The following TENM2 variants were observed in gnomAD, a reference collection of about 807,000 sequenced individuals.
TENM2 encodes teneurin-2.
TENM2 carries 52 observed loss-of-function variants against 245.2 expected under a neutral mutation model. That is an observed-to-expected ratio of 0.21 (90% CI 0.17 to 0.27). The LOEUF is 0.27. TENM2 is among the 10% of genes least tolerant of loss of function. The pLI is 1.00. For synonymous variants in TENM2, 1,363 were observed against 1,438.9 expected (o/e 0.95, Z 1.19); for missense variants, 3,046 against 3,666.8 (o/e 0.83, Z 4.37).
At chr5:167,793,471 T>G (rs750234526) in intron 2 of TENM2, among the ~76,000 whole-genome samples, 1 of 152,176 alleles carries the variant, frequency 6.6e-6, no homozygotes, top group Non-Finnish European at 1.5e-5. Flanking sequence ...TTTCATCTTT[T>G]TCTCCCTTTC....
chr5:167,066,613 T>G, the TENM2 span, among the ~76,000 whole-genome samples: 1 of 145,988 alleles, frequency 6.8e-6, no homozygotes, highest in African/African-American at 2.5e-5. Context: ...TTCCTACCTA[T>G]GAGTGAGAAT....
chr5:167,943,003 C>A (rs574107585), intron 3 of TENM2, among the ~76,000 whole-genome samples: 1 of 152,138 alleles, frequency 6.6e-6, no homozygotes, highest in Non-Finnish European at 1.5e-5. Flanking sequence ...ATATCTCCAG[C>A]GATATGTCTT....
intron 7 of TENM2, among the ~76,000 whole-genome samples, chr5:168,062,599 A>G (rs1476967428): frequency 6.6e-6 from 1 of 152,202 alleles, no homozygotes; most frequent in East Asian, 1.9e-4. Flanking sequence ...TCATAGCCTT[A>G]TTTATGATAG....
chr5:167,417,964 G>A (rs1005108548), intron 2 of TENM2, among the ~76,000 whole-genome samples: 1 of 152,134 alleles, frequency 6.6e-6, no homozygotes, highest in African/African-American at 2.4e-5. Context: ...GCATTAATTT[G>A]CATTGAATAA....
intron 13 of TENM2, among the ~76,000 whole-genome samples, chr5:168,179,118 G>C (rs1759623146): frequency 8.0e-6 from 1 of 125,702 alleles, no homozygotes; most frequent in Non-Finnish European, 1.6e-5. Flanking sequence ...CTGAGCAACA[G>C]AGTGAGACTC....
intron 7 of TENM2, among the ~76,000 whole-genome samples, chr5:168,087,665 G>A (rs1399582377): frequency 6.6e-6 from 1 of 151,748 alleles, no homozygotes; most frequent in Non-Finnish European, 1.5e-5. Context: ...CCTGACCTGG[G>A]AAGGAAGAAG....
At chr5:167,436,146 T>C (rs1444702602) in intron 2 of TENM2, among the ~76,000 whole-genome samples, 1 of 151,618 alleles carries the variant, frequency 6.6e-6, no homozygotes, top group Non-Finnish European at 1.5e-5. Flanking sequence ...ACCCGGCTAA[T>C]TTTTGTATTT....
rs1772816275 is a variant in TENM2 at position 167,549,852 on chromosome 5, T to C, written c.502+174379T>C. 2.0e-5 allele frequency among the ~76,000 whole-genome samples: 3 copies of C among 152,304 alleles called. No individual in the cohort carries two copies. In the South Asian group the frequency reaches 6.2e-4, roughly 32 times the overall value. ...TTCGTTCCATTATACTTCTATGCAT[T>C]CATGGATTCCTCCTTTAAAACTATT... On this transcript the variant is annotated intron_variant, in intron 2 of 28. Coordinates refer to ENST00000518659, the Ensembl canonical transcript of TENM2.
the TENM2 span, among the ~76,000 whole-genome samples, chr5:167,038,949 G>A: frequency 6.6e-6 from 1 of 152,274 alleles, no homozygotes; most frequent in East Asian, 1.9e-4. Flanking sequence ...AAGAGAAGGT[G>A]ACAGGATGAT....
intron 2 of TENM2, among the ~76,000 whole-genome samples, chr5:167,826,633 CTGAT>C (rs1343687827): frequency 2.6e-5 from 4 of 152,142 alleles, no homozygotes; most frequent in East Asian, 1.9e-4. Flanking sequence ...TCCTTCCCAC[CTGAT>C]TGATTAATTA....
chr5:167,653,065 G>C (rs1272161966), intron 2 of TENM2, among the ~76,000 whole-genome samples: 1 of 151,804 alleles, frequency 6.6e-6, no homozygotes, highest in Non-Finnish European at 1.5e-5. Context: ...AAATGATTGA[G>C]GACCAACAGT....
intron 2 of TENM2, among the ~76,000 whole-genome samples, chr5:167,483,198 T>A (rs1453197105): frequency 1.3e-5 from 2 of 152,166 alleles, no homozygotes; most frequent in Non-Finnish European, 2.9e-5. Context: ...CTGTACAGAG[T>A]TAGCCGGCCA....
chr5:168,262,809 A>G, exon 29 of TENM2: 1 of 1,594,722 alleles, frequency 6.3e-7, no homozygotes, highest in South Asian at 1.1e-5. Flanking sequence ...GGAAAGAGGT[A>G]ACAAAATAAT....
At chr5:168,231,961 G>A (rs1764963848) in intron 25 of TENM2, among the ~76,000 whole-genome samples, 1 of 152,060 alleles carries the variant, frequency 6.6e-6, no homozygotes, top group African/African-American at 2.4e-5. Flanking sequence ...CAGCTATTCG[G>A]GAGGCCAAGG....
At chr5:167,897,898 T>G (rs1328222138) in intron 3 of TENM2, among the ~76,000 whole-genome samples, 12 of 149,720 alleles carry the variant, frequency 8.0e-5, no homozygotes, top group East Asian at 7.9e-4. Context: ...TTGTTTTTTT[T>G]TTTTTTTTTT....
intron 8 of TENM2, among the ~76,000 whole-genome samples, chr5:168,095,253 A>G (rs1053438844): frequency 6.6e-6 from 1 of 152,120 alleles, no homozygotes; most frequent in Admixed American, 6.5e-5. Context: ...CCGCTGGTCT[A>G]CATGTCCCTG....
chr5:167,695,816 C>T (rs1254446186), intron 2 of TENM2, among the ~76,000 whole-genome samples: 109 of 151,148 alleles, frequency 7.2e-4, no homozygotes, highest in Non-Finnish European at 4.3e-4. Context: ...GGGCGGATCA[C>T]GAGGTCAGGA....
chr5:166,990,152 T>C, the TENM2 span, among the ~76,000 whole-genome samples: 9 of 152,200 alleles, frequency 5.9e-5, no homozygotes, highest in African/African-American at 2.2e-4. Context: ...ACTGCATTTC[T>C]TTTTTCTGTG....
chr5:167,192,664 C>G, the TENM2 span, among the ~76,000 whole-genome samples: 1 of 152,048 alleles, frequency 6.6e-6, no homozygotes, highest in Non-Finnish European at 1.5e-5. Flanking sequence ...GTCTTTCTTC[C>G]TAACACTGAG....
Sources: gnomAD v4.1 joint callset for allele counts (sites outside exome capture counted in the v4.1 genomes callset) on GRCh38, gnomAD v4.1.1 for gene constraint, MANE v1.5 for transcripts, NCBI Gene and HGNC (gene_info 2026-07-23, HGNC 2026-07-21) for gene names.